PHF12: variants seen among roughly 807,000 people sequenced by gnomAD.
The protein encoded by PHF12 is PHD factor 1.
PHF12 carries 6 observed loss-of-function variants against 99.8 expected under a neutral mutation model. That is an observed-to-expected ratio of 0.06 (90% CI 0.03 to 0.12). The LOEUF is 0.12. Among genes scored for constraint, PHF12 ranks in the 10% least tolerant of loss-of-function variants. The probability of loss-of-function intolerance (pLI) is 1.00; values close to 1 mark genes in which losing one functional copy is unlikely to be tolerated. For missense variants in PHF12, 954 were observed against 1,300.1 expected, an observed-to-expected ratio of 0.73 and a Z score of 4.09; for synonymous variants, 480 against 514.9, an observed-to-expected ratio of 0.93 and a Z score of 0.92.
At position 28,949,589 on chromosome 17, in the gene PHF12, T is replaced by A. The variant is rs2040773621; in HGVS notation, c.248+476A>T. 6.4e-6 allele frequency: 1 copy of A among 156,554 alleles called. No individual in the cohort carries two copies. Among genetic ancestry groups the A allele is most frequent in the African/African-American group, 2.4e-5 (1 of 41,604 alleles). 9.7% of individuals were successfully genotyped at this position (156,554 alleles called of 1,614,324 possible). On this transcript the variant is annotated intron_variant, in intron 2 of 14. Transcript: ENST00000332830. The surrounding 1 kb of genome is among the most constrained non-coding windows in gnomAD (Gnocchi z 4.6). ...GGACTCGAGAGACACCCTCCACGATTTTTTCTACAGCCACAAGCGCCCGGT... is the reference window on the plus strand; with the variant it reads ...GGACTCGAGAGACACCCTCCACGATATTTTCTACAGCCACAAGCGCCCGGT...
chr17:28,938,512 G>C (rs1354828442), intron 2 of PHF12, among the ~76,000 whole-genome samples: 2 of 152,102 alleles, frequency 1.3e-5, no homozygotes, highest in Non-Finnish European at 2.9e-5. Context: ...ACAGGTGTGA[G>C]CCACCGCACC....
chr17:28,926,191 C>G (rs1398455315), intron 3 of PHF12: 2 of 153,930 alleles, frequency 1.3e-5, no homozygotes, highest in Admixed American at 6.5e-5. Flanking sequence ...ACATAAACCA[C>G]AATCTTAATC....
rs753715529 is a variant in PHF12, at chr17:28,907,571, C to T, written c.2541+19G>A. 3.1e-6 allele frequency: 5 copies of T among 1,613,048 alleles called. No individual in the cohort carries two copies. The highest frequency in any genetic ancestry group is 8.5e-7 in the Non-Finnish European group (1 of 1,179,262). On this transcript the variant is annotated intron_variant, in intron 13 of 14. Transcript: ENST00000332830. ...CTCAGGTTGGGAAAGCTCCCTCCCACCGCATCTCCGGCCCTCACCTCATCG... is the reference window on the plus strand; with the variant it reads ...CTCAGGTTGGGAAAGCTCCCTCCCATCGCATCTCCGGCCCTCACCTCATCG...
chr17:28,913,016 C>A lies in PHF12; in HGVS notation c.1555G>T (p.Asp519Tyr), dbSNP rs753542839. Residue 519 changes from aspartate (D) to tyrosine (Y), a missense_variant, in exon 9 of 15, where the codon GAC (aspartate) becomes TAC (tyrosine). Coordinates refer to ENST00000332830, the MANE Select transcript of PHF12 (RefSeq NM_001033561.2). The part of the protein sequence containing the change: ...SPPHQSPALE[D>Y]IGCSSCAEKS... The stretch of plus-strand genomic sequence containing the variant: ...TCCGCACAAGAACTGCAGCCGATGT[C>A]CTCTAGGGCTGGGGACTGGTGGGGT... 6.2e-7 allele frequency: 1 copy of A among 1,614,158 alleles called. No individual in the cohort carries two copies. The highest frequency in any genetic ancestry group is 1.1e-5 in the South Asian group (1 of 91,080).
Position 28,951,248 on chromosome 17 carries a change from C to T in PHF12, c.-288G>A. The T allele has an allele frequency of 7.9e-7, 1 of 1,261,494 alleles. No homozygotes were observed. The highest frequency in any genetic ancestry group is 3.8e-5 in the East Asian group (1 of 26,604). The allele number at this position is 1,261,494 out of a possible 1,614,324, so 78.1% of individuals were successfully genotyped here. A position where few individuals can be genotyped will look rare whatever the true frequency, so the allele number is the denominator to read the frequency against. ...CAGGCCTCGGCGGGGCCTAGTCCCACAGGCTAAAGCCGGCACTGGCGACAG... is the reference window on the plus strand; with the variant it reads ...CAGGCCTCGGCGGGGCCTAGTCCCATAGGCTAAAGCCGGCACTGGCGACAG... On this transcript the variant is annotated 5_prime_UTR_variant, in exon 1 of 15. It adds an upstream start codon to the 5' untranslated region. Transcript: ENST00000332830.
chr17:28,906,725 C>T lies in PHF12; in HGVS notation c.2680+131G>A. 1 of 1,399,880 alleles carries T rather than the reference C, an allele frequency of 7.1e-7. No individual in the cohort carries two copies. Among genetic ancestry groups the T allele is most frequent in the Non-Finnish European group, 9.7e-7 (1 of 1,036,060 alleles). The allele number at this position is 1,399,880 out of a possible 1,614,324, so 86.7% of individuals were successfully genotyped here. ...TCAGCACTTGCTTCTCTGTGGCCTG[C>T]CCTGGGCCCACGAGGAAGTAGAGCT... On this transcript the variant is annotated intron_variant, in intron 14 of 14. Coordinates refer to ENST00000332830, the MANE Select transcript of PHF12 (RefSeq NM_001033561.2). This position sits in a 1 kb window ranked among gnomAD's most constrained non-coding sequence, Gnocchi z 4.2.
intron 7 of PHF12, among the ~76,000 whole-genome samples, chr17:28,914,671 CAAAAAAAAAAAAAAAAAA>C (rs61203588): frequency 3.3e-5 from 1 of 30,344 alleles, no homozygotes. Context: ...GACTCCGTCT[CAAAAAAAAAAAAAAAAAA>C]AAAAAAAAAA....
At chr17:28,922,363 G>T (rs186662585) in intron 4 of PHF12, among the ~76,000 whole-genome samples, 1 of 152,164 alleles carries the variant, frequency 6.6e-6, no homozygotes, top group East Asian at 1.9e-4. Context: ...CAAAGTACTA[G>T]GATTACAGGT....
chr17:28,913,609 T>C (rs2086210540), intron 8 of PHF12, among the ~76,000 whole-genome samples: 1 of 152,180 alleles, frequency 6.6e-6, no homozygotes, highest in Non-Finnish European at 1.5e-5. Flanking sequence ...TCTCTATGGG[T>C]CTACTCATCT....
chr17:28,950,997 C>G lies in PHF12; in HGVS notation c.-37G>C, dbSNP rs767715122. Reference sequence around the variant, plus strand: ...CCGGGCTGGGTGCTCTCTGCTCCGGCCCCCCCAACCCCGGGGGGAGGGGGG... The same window carrying G: ...CCGGGCTGGGTGCTCTCTGCTCCGGGCCCCCCAACCCCGGGGGGAGGGGGG... On this transcript the variant is annotated 5_prime_UTR_variant, in exon 1 of 15. Transcript: ENST00000332830. The surrounding 1 kb of genome is among the most constrained non-coding windows in gnomAD (Gnocchi z 5.7). 1.2e-6 allele frequency: 2 copies of G among 1,609,416 alleles called. No homozygotes were observed. The highest frequency in any genetic ancestry group is 1.1e-5 in the South Asian group (1 of 90,562).
intron 12 of PHF12, 182 bp from the exon 13 acceptor site, chr17:28,907,854 T>G: frequency 1.9e-6 from 1 of 517,318 alleles, no homozygotes; most frequent in South Asian, 2.0e-5. Context: ...TTTTCCAAGC[T>G]CCTGATAAAG....
Position 28,906,258 on chromosome 17 carries a change from C to G in PHF12, c.2940G>C (p.Gln980His), listed in dbSNP as rs770845685. 33 of 1,613,580 alleles carry G rather than the reference C, an allele frequency of 2.0e-5. No homozygotes were observed. Among genetic ancestry groups the G allele is most frequent in the Non-Finnish European group, 2.7e-5 (32 of 1,179,602 alleles). Residue 980 changes from glutamine to histidine, a missense_variant, in exon 15 of 15, where the codon CAG (glutamine) becomes CAC (histidine). Coordinates refer to ENST00000332830, the MANE Select transcript of PHF12 (RefSeq NM_001033561.2). The surrounding 1 kb of genome is among the most constrained non-coding windows in gnomAD (Gnocchi z 4.2). Reference protein sequence around the residue: ...KQPKGDASLLQDGVLAEKLSL... With the variant: ...KQPKGDASLLHDGVLAEKLSL... ...AGAGCTTCTCGGCCAAGACCCCATC[C>G]TGCAGCAGGCTGGCATCGCCTTTGG...
intron 6 of PHF12, among the ~76,000 whole-genome samples, chr17:28,918,439 C>T (rs532113377): frequency 2.2e-4 from 33 of 152,358 alleles, no homozygotes; most frequent in African/African-American, 7.9e-4. Flanking sequence ...GTGTGCAAGT[C>T]TTTAACCGAG....
Position 28,950,106 on chromosome 17 carries a change from CAGG to C in PHF12, c.204_206del (p.Leu69del). ...AGGCAGCCGGGCAGTGGTCGCAGCA[CAGG>C]AGATCTCCACCTTCCTTGCAGCTAT... On this transcript the variant is annotated inframe_deletion, in exon 2 of 15. Transcript: ENST00000332830. The surrounding 1 kb of genome is among the most constrained non-coding windows in gnomAD (Gnocchi z 5.7). 1 of 1,613,000 alleles carries C rather than the reference CAGG, an allele frequency of 6.2e-7. No individual in the cohort carries two copies. The highest frequency in any genetic ancestry group is 8.5e-7 in the Non-Finnish European group (1 of 1,179,604).
At chr17:28,907,726 G>T in intron 12 of PHF12, 54 bp from the exon 13 acceptor site, 2 of 1,548,372 alleles carry the variant, frequency 1.3e-6, no homozygotes, top group Non-Finnish European at 1.8e-6. Flanking sequence ...ATTGTAAGGT[G>T]CATGTGTCGG....
chr17:28,924,418 G>A (rs766155663), intron 3 of PHF12, 116 bp from the exon 4 acceptor site: 3 of 1,386,180 alleles, frequency 2.2e-6, no homozygotes, highest in Non-Finnish European at 2.0e-6. Context: ...ACATATCACA[G>A]ACTCATCTAC....
chr17:28,917,504 C>T, intron 6 of PHF12, 55 bp from the exon 7 acceptor site: 2 of 1,526,922 alleles, frequency 1.3e-6, no homozygotes, highest in Non-Finnish European at 1.8e-6. Context: ...ACCTCCTATC[C>T]CAGTTAACCC....
rs1356652149 is a variant in PHF12, at chr17:28,912,682, C to G, written c.1889G>C (p.Ser630Thr). Residue 630 changes from serine (S) to threonine (T), a missense_variant, in exon 9 of 15, where the codon AGC becomes ACC. Physicochemically the swap from Ser to Thr is moderately conservative, Grantham distance 58. Transcript: ENST00000332830. ...PVPSLPPSIP[S>T]SCASIENTST... ...GGTGTTCTCGATGCTGGCACAAGAG[C>G]TGGGAATGGAAGGGGGCAGGCTTGG... 1.9e-6 allele frequency: 3 copies of G among 1,614,108 alleles called. No individual in the cohort carries two copies. Among genetic ancestry groups the G allele is most frequent in the African/African-American group, 2.7e-5 (2 of 74,944 alleles).
intron 9 of PHF12, chr17:28,912,091 G>C: frequency 1.9e-6 from 2 of 1,029,762 alleles, no homozygotes; most frequent in Non-Finnish European, 2.3e-6. Context: ...TGACAATACT[G>C]AGGCCATCAC....
Sources: allele counts gnomAD v4.1 joint callset (sites outside exome capture counted in the v4.1 genomes callset), GRCh38; gene constraint gnomAD v4.1.1; non-coding constraint Gnocchi (gnomAD v3.1); transcripts MANE v1.5; gene names NCBI Gene and HGNC (gene_info 2026-07-23, HGNC 2026-07-21).